SLU7: variants seen among roughly 807,000 people sequenced by gnomAD.
SLU7 encodes spliceosome associated SLU7, also known as pre-mRNA-splicing factor SLU7.
In SLU7, 60 loss-of-function variants were observed where a neutral mutation model predicts 87.0. The ratio of observed to expected loss-of-function variants is 0.69; its 90% CI spans 0.56 to 0.86. The LOEUF is 0.86. Among genes scored for constraint, SLU7 ranks in the 40% least tolerant of loss-of-function variants. The probability of loss-of-function intolerance (pLI) is 0.00; values close to 1 mark genes in which losing one functional copy is unlikely to be tolerated. For synonymous variants in SLU7, 197 were observed against 222.0 expected (o/e 0.89, Z 1.00); for missense variants, 507 against 686.6 (o/e 0.74, Z 2.92).
rs1194583986 is a variant in SLU7 at position 160,414,416 on chromosome 5, G to T, written c.227C>A (p.Pro76His). The T allele has an allele frequency of 6.2e-7, 1 of 1,610,010 alleles. No individual in the cohort carries two copies. Among genetic ancestry groups the T allele is most frequent in the Non-Finnish European group, 8.5e-7 (1 of 1,177,602 alleles). ...GTGTTTTAAAGTAGGTCTTTTTGAA[G>T]GATCAATATACCATGGCACTGAAGA... ...YISSVPWYID[P>H]SKRPTLKHQR... The change falls in exon 3 of 16, where the codon CCT becomes CAT. Residue 76 changes from proline to histidine, a missense_variant. Coordinates refer to ENST00000297151, the MANE Select transcript of SLU7 (RefSeq NM_006425.5).
At chr5:160,408,150 G>C in intron 8 of SLU7, 82 bp from the exon 9 acceptor site, 1 of 1,174,922 alleles carries the variant, frequency 8.5e-7, no homozygotes, top group East Asian at 2.3e-5. Flanking sequence ...AGTTGAACAT[G>C]ATCAATTAAA....
At chr5:160,403,603 C>T (rs1764878762) in intron 15 of SLU7, 139 bp from the exon 16 acceptor site, 4 of 576,778 alleles carry the variant, frequency 6.9e-6, no homozygotes, top group Non-Finnish European at 1.1e-5. Context: ...GCTTTGGAGT[C>T]AGCCCTTCTA....
At chr5:160,414,265 T>C (rs537758809) in intron 3 of SLU7, 54 bp downstream of exon 3, 1 of 1,400,966 alleles carries the variant, frequency 7.1e-7, no homozygotes, top group Non-Finnish European at 9.6e-7. Flanking sequence ...AATTCTTACA[T>C]TAAGTTCTTA....
Position 160,413,593 on chromosome 5 carries a change from T to C in SLU7, c.433A>G (p.Thr145Ala). Reference protein sequence around the residue: ...ERPRRVGAKFTGTNIAPDEHV... With the variant: ...ERPRRVGAKFAGTNIAPDEHV... ...TCATCTGGAGCTATATTAGTACCTG[T>C]AAATTTGGCTCCAACTCGCCTAGGT... The change falls in exon 5 of 16, where the codon ACA becomes GCA. Residue 145 changes from threonine to alanine, a missense_variant. Transcript: ENST00000297151. 1.2e-6 allele frequency: 2 copies of C among 1,612,634 alleles called. No individual in the cohort carries two copies. The highest frequency in any genetic ancestry group is 2.2e-5 in the South Asian group (2 of 90,596).
rs757188818 is a variant in SLU7, at chr5:160,415,117, GTACT to G, written c.170+4_170+7del. The G allele has an allele frequency of 8.8e-6, 14 of 1,586,858 alleles. No homozygotes were observed. The highest frequency in any genetic ancestry group is 1.8e-5 in the Admixed American group (1 of 55,100). ...ATGAATGGATCATACAAAAAATTAA[GTACT>G]TACTTTCCTTCTTCATCAACTTCTG... On this transcript the variant is annotated splice_donor_5th_base_variant and intron_variant, in intron 2 of 15. Transcript: ENST00000297151.
rs759073862 is a variant in SLU7, at chr5:160,405,174, G to A, written c.1288-39C>T. On this transcript the variant is annotated intron_variant, in intron 12 of 15. Transcript: ENST00000297151. ...AATTAAAAAGCTTAAAAAGGAAGCT[G>A]AAATTAGAAACTTCTGTATACTGTT... The A allele has an allele frequency of 3.5e-5, 49 of 1,414,802 alleles. 1 individual carries two copies. The South Asian group carries it at 5.7e-4, about 16-fold the overall frequency. The allele number at this position is 1,414,802 out of a possible 1,614,324, so 87.6% of individuals were successfully genotyped here. A position where few individuals can be genotyped will look rare whatever the true frequency, so the allele number is the denominator to read the frequency against.
At chr5:160,411,870 G>C (rs1747735821) in intron 6 of SLU7, among the ~76,000 whole-genome samples, 1 of 152,034 alleles carries the variant, frequency 6.6e-6, no homozygotes, top group Admixed American at 6.5e-5. Context: ...TTCATTGTGG[G>C]AAATGCAGAA....
chr5:160,408,105 TC>T lies in SLU7; in HGVS notation c.820-38del, dbSNP rs749865263. 2.1e-6 allele frequency: 3 copies of T among 1,449,404 alleles called. No individual in the cohort carries two copies. The African/African-American group carries it at 4.2e-5, about 20-fold the overall frequency. The allele number at this position is 1,449,404 out of a possible 1,614,324, so 89.8% of individuals were successfully genotyped here. A position where few individuals can be genotyped will look rare whatever the true frequency, so the allele number is the denominator to read the frequency against. On this transcript the variant is annotated intron_variant, in intron 8 of 15. Coordinates refer to ENST00000297151, the MANE Select transcript of SLU7 (RefSeq NM_006425.5). The stretch of plus-strand genomic sequence containing the variant: ...AAATATTTAAAGAATTAATGTTTAC[TC>T]ACAGCAAAAAGATTTCAGCAGACTA...
intron 15 of SLU7, 94 bp from the exon 16 acceptor site, chr5:160,403,558 AAC>A: frequency 1.8e-6 from 2 of 1,098,044 alleles, no homozygotes; most frequent in Non-Finnish European, 2.5e-6. Context: ...ACTGAATATG[AAC>A]TGCTCTATCA....
At chr5:160,416,407 A>AT (rs1225058286) in intron 1 of SLU7, among the ~76,000 whole-genome samples, 4 of 152,176 alleles carry the variant, frequency 2.6e-5, no homozygotes, top group Non-Finnish European at 2.9e-5. Context: ...GGAACAACGT[A>AT]TTTTTCTATT....
chr5:160,407,825 A>C lies in SLU7; in HGVS notation c.918-12T>G. 1 of 1,596,958 alleles carries C rather than the reference A, an allele frequency of 6.3e-7. No individual in the cohort carries two copies. The highest frequency in any genetic ancestry group is 8.6e-7 in the Non-Finnish European group (1 of 1,166,164). On this transcript the variant is annotated splice_polypyrimidine_tract_variant and intron_variant, in intron 9 of 15. Transcript: ENST00000297151. The surrounding 1 kb of genome is among the most constrained non-coding windows in gnomAD (Gnocchi z 4.2). ...CAGCATAACTCACTCTGTAAATACA[A>C]ATAAAGAAAATGTTTCAGAGATTGA...
chr5:160,418,050 A>G (rs1444956707), intron 1 of SLU7, among the ~76,000 whole-genome samples: 4 of 152,176 alleles, frequency 2.6e-5, no homozygotes, highest in Admixed American at 2.0e-4. Context: ...AAAGTGCTCA[A>G]TGCCTGGGGG....
In SLU7 at chr5:160,403,194, T is replaced by A; in HGVS notation, c.*91A>T. On this transcript the variant is annotated 3_prime_UTR_variant, in exon 16 of 16. Coordinates refer to ENST00000297151, the MANE Select transcript of SLU7 (RefSeq NM_006425.5). ...TATTAAAGCCAGGCAGCAAGAAGAA[T>A]AAACAAGGATTTTTCTATCTACAAT... is the stretch of plus-strand genomic sequence containing the variant. The A allele has an allele frequency of 1.0e-6, 1 of 1,003,048 alleles. No individual in the cohort carries two copies. Among genetic ancestry groups the A allele is most frequent in the Non-Finnish European group, 1.4e-6 (1 of 703,070 alleles). The allele number at this position is 1,003,048 out of a possible 1,614,324, so 62.1% of individuals were successfully genotyped here.
chr5:160,406,435 A>G lies in SLU7; in HGVS notation c.1287+33T>C, dbSNP rs188241706. On this transcript the variant is annotated intron_variant, in intron 12 of 15. Transcript: ENST00000297151. ...AAATGCAATACAGAGCAAAACCAAC[A>G]AGGACACAAAATTGTTCCAGTTTAG... 5,286 of 1,546,522 alleles carry G rather than the reference A, an allele frequency of 3.4e-3. 24 individuals are homozygous for G. Among genetic ancestry groups the G allele is most frequent in the South Asian group, 4.3e-3 (355 of 82,228 alleles).
intron 6 of SLU7, among the ~76,000 whole-genome samples, chr5:160,411,456 T>C (rs769845273): frequency 6.6e-6 from 1 of 151,326 alleles, no homozygotes; most frequent in African/African-American, 2.4e-5. Flanking sequence ...TGACCTCAGA[T>C]GATCCACCTG....
At chr5:160,412,354 T>C in intron 6 of SLU7, 97 bp downstream of exon 6, 1 of 765,756 alleles carries the variant, frequency 1.3e-6, no homozygotes, top group Non-Finnish European at 2.2e-6. Flanking sequence ...ATTTCTCTCT[T>C]CCTAACTGAA....
intron 6 of SLU7, among the ~76,000 whole-genome samples, chr5:160,409,880 A>C (rs1209463278): frequency 6.6e-6 from 1 of 152,196 alleles, no homozygotes; most frequent in Non-Finnish European, 1.5e-5. Flanking sequence ...GAAAGGAGCC[A>C]CACACATACA....
intron 1 of SLU7, among the ~76,000 whole-genome samples, chr5:160,416,084 G>C (rs1187157755): frequency 6.6e-6 from 1 of 152,084 alleles, no homozygotes; most frequent in Admixed American, 6.6e-5. Context: ...TGTAGTGACA[G>C]GATTTCACCA....
rs758853073 is a variant in SLU7 at position 160,407,619 on chromosome 5, G to T, written c.986-4C>A. On this transcript the variant is annotated splice_region_variant and splice_polypyrimidine_tract_variant and intron_variant, in intron 10 of 15. Coordinates refer to ENST00000297151, the MANE Select transcript of SLU7 (RefSeq NM_006425.5). This position sits in a 1 kb window ranked among gnomAD's most constrained non-coding sequence, Gnocchi z 4.2. The stretch of plus-strand genomic sequence containing the variant: ...TCATAGGCTTCCCATGCAAACACTA[G>T]AGTAATTCAAAACATCTTAGTGAGT... 2.5e-6 allele frequency: 4 copies of T among 1,608,482 alleles called. No homozygotes were observed. Among genetic ancestry groups the T allele is most frequent in the South Asian group, 2.2e-5 (2 of 89,552 alleles).
Sources: allele counts gnomAD v4.1 joint callset (sites outside exome capture counted in the v4.1 genomes callset), GRCh38; gene constraint gnomAD v4.1.1; non-coding constraint Gnocchi (gnomAD v3.1); transcripts MANE v1.5; gene names NCBI Gene and HGNC (gene_info 2026-07-23, HGNC 2026-07-21).